The following ZFHX3 variants were observed in gnomAD, a reference collection of about 807,000 sequenced individuals.
ZFHX3 encodes the protein zinc finger homeobox 3, also known as zinc finger homeobox protein 3.
Under a neutral mutation model 279.1 loss-of-function variants are expected in ZFHX3, and 42 were observed. The observed-to-expected ratio is 0.15, with a 90% CI of 0.12 to 0.19. The LOEUF is 0.19. ZFHX3 is among the 10% of genes least tolerant of loss of function. The pLI, the probability that ZFHX3 is intolerant of heterozygous loss-of-function variation, is 1.00. For missense variants in ZFHX3, 4,981 were observed against 4,754.0 expected (o/e 1.05, Z -1.40); for synonymous variants, 2,293 against 1,957.8 (o/e 1.17, Z -4.52).
chr16:73,074,922 T>G (rs1025935214), intron 8 of ZFHX3, among the ~76,000 whole-genome samples: 2 of 152,106 alleles, frequency 1.3e-5, no homozygotes, highest in Non-Finnish European at 2.9e-5. Context: ...AAGTAGCTAA[T>G]TAGCCTCCCA....
intron 3 of ZFHX3, among the ~76,000 whole-genome samples, chr16:73,377,925 C>T (rs2016750127): frequency 6.7e-6 from 1 of 149,168 alleles, no homozygotes; most frequent in African/African-American, 2.5e-5. Context: ...CCCAGCTACT[C>T]AGGAGGCTGG....
At chr16:73,757,098 G>A (rs2053817867) in intron 1 of ZFHX3, among the ~76,000 whole-genome samples, 2 of 152,152 alleles carry the variant, frequency 1.3e-5, no homozygotes, top group Admixed American at 6.5e-5. Context: ...AAGAACAGCT[G>A]TGGGAATCTG....
intron 4 of ZFHX3, among the ~76,000 whole-genome samples, chr16:72,835,677 C>T (rs575329753): frequency 1.3e-5 from 2 of 152,018 alleles, no homozygotes; most frequent in Non-Finnish European, 2.9e-5. Flanking sequence ...CTACAAGTGG[C>T]GTTTGCTGGT....
chr16:73,559,757 C>T (rs1230346546), intron 2 of ZFHX3, among the ~76,000 whole-genome samples: 1 of 152,142 alleles, frequency 6.6e-6, no homozygotes, highest in Non-Finnish European at 1.5e-5. Context: ...CCCTGTCTCT[C>T]TCTCTCTGCC....
chr16:73,324,729 C>A (rs977813509), intron 3 of ZFHX3, among the ~76,000 whole-genome samples: 3 of 152,202 alleles, frequency 2.0e-5, no homozygotes, highest in South Asian at 2.1e-4. Context: ...TTCACCTGAA[C>A]TCTGTGATTT....
chr16:73,623,675 T>C (rs575310387), intron 2 of ZFHX3, among the ~76,000 whole-genome samples: 2 of 152,338 alleles, frequency 1.3e-5, no homozygotes, highest in East Asian at 1.9e-4. Flanking sequence ...TTTTTAAATG[T>C]AGATGCTTTG....
intron 1 of ZFHX3, among the ~76,000 whole-genome samples, chr16:73,814,767 C>T (rs1423248811): frequency 1.3e-5 from 2 of 152,062 alleles, no homozygotes; most frequent in Non-Finnish European, 2.9e-5. Context: ...AGGGTTTCAC[C>T]ATGTTGGCCA....
At chr16:72,971,025 T>C (rs979417632) in intron 1 of ZFHX3, among the ~76,000 whole-genome samples, 5 of 152,194 alleles carry the variant, frequency 3.3e-5, no homozygotes, top group African/African-American at 1.2e-4. Flanking sequence ...CACTGGTAGG[T>C]AGTTTTTCGG....
At chr16:73,175,726 T>C (rs377587653) in intron 5 of ZFHX3, among the ~76,000 whole-genome samples, 27 of 152,342 alleles carry the variant, frequency 1.8e-4, no homozygotes, top group African/African-American at 6.3e-4. Flanking sequence ...CTGGCTCTTT[T>C]TTATCCTTTG....
intron 5 of ZFHX3, among the ~76,000 whole-genome samples, chr16:73,203,789 A>G (rs1359884031): frequency 6.6e-6 from 1 of 152,200 alleles, no homozygotes; most frequent in Non-Finnish European, 1.5e-5. Context: ...CAAATCACTA[A>G]TTTACAAATG....
intron 1 of ZFHX3, among the ~76,000 whole-genome samples, chr16:72,962,108 A>G (rs1228887568): frequency 1.3e-5 from 2 of 152,230 alleles, no homozygotes; most frequent in African/African-American, 4.8e-5. Context: ...TGTAAAATCA[A>G]TGTCATAAAT....
chr16:73,628,053 GT>G (rs2052434929), intron 2 of ZFHX3, among the ~76,000 whole-genome samples: 1 of 152,274 alleles, frequency 6.6e-6, no homozygotes, highest in African/African-American at 2.4e-5. Context: ...GATTCATCTT[GT>G]TTTTCTTAGT....
intron 1 of ZFHX3, among the ~76,000 whole-genome samples, chr16:73,777,834 G>A (rs1400438920): frequency 1.3e-5 from 2 of 152,144 alleles, no homozygotes; most frequent in Non-Finnish European, 2.9e-5. Context: ...ACAACTGCAA[G>A]AATCAGAACT....
At chr16:73,140,978 T>G (rs1013069519) in intron 6 of ZFHX3, among the ~76,000 whole-genome samples, 10 of 152,212 alleles carry the variant, frequency 6.6e-5, no homozygotes, top group Non-Finnish European at 1.3e-4. Flanking sequence ...TTGACTTCTC[T>G]CTAGCCTTCT....
At chr16:73,239,640 A>G (rs1031736966) in intron 5 of ZFHX3, among the ~76,000 whole-genome samples, 3 of 152,154 alleles carry the variant, frequency 2.0e-5, no homozygotes, top group Non-Finnish European at 4.4e-5. Flanking sequence ...GGGGCACTCA[A>G]TTAGTACCTG....
chr16:73,211,670 G>GTT (rs966708564), intron 5 of ZFHX3, among the ~76,000 whole-genome samples: 1 of 143,256 alleles, frequency 7.0e-6, no homozygotes, highest in Non-Finnish European at 1.5e-5. Flanking sequence ...AAGAATCTAT[G>GTT]TTTTTTTTTT....
rs77192823 is a variant in ZFHX3, at chr16:72,901,784, G to A, written c.3217-11822C>T. 7.5e-3 allele frequency among the ~76,000 whole-genome samples: 1,141 copies of A among 152,294 alleles called. 6 individuals carry two copies. Among genetic ancestry groups the A allele is most frequent in the Non-Finnish European group, 7.8e-3 (531 of 68,026 alleles). On this transcript the variant is annotated intron_variant, in intron 3 of 9. Coordinates refer to ENST00000268489, the MANE Select transcript of ZFHX3 (RefSeq NM_006885.4). ...GCCAGGAGATGGCTGTATGCAGAAC[G>A]GACGGCCACGTGGCGAGAGGGCCAC... is the stretch of plus-strand genomic sequence containing the variant.
At chr16:73,592,056 A>C (rs2052005275) in intron 2 of ZFHX3, among the ~76,000 whole-genome samples, 1 of 145,878 alleles carries the variant, frequency 6.9e-6, no homozygotes, top group Admixed American at 6.8e-5. Flanking sequence ...ACATGGTGAA[A>C]CCCTGTCTCT....
At chr16:73,713,749 A>G (rs2053387848) in intron 1 of ZFHX3, among the ~76,000 whole-genome samples, 2 of 151,924 alleles carry the variant, frequency 1.3e-5, no homozygotes, top group African/African-American at 2.4e-5. Context: ...CTCAATCCAT[A>G]TGCTCACGCT....
Sources: gnomAD v4.1 joint callset for allele counts (sites outside exome capture counted in the v4.1 genomes callset) on GRCh38, gnomAD v4.1.1 for gene constraint, MANE v1.5 for transcripts, NCBI Gene and HGNC (gene_info 2026-07-23, HGNC 2026-07-21) for gene names.